ANO2: variants seen among roughly 807,000 people sequenced by gnomAD.
The protein encoded by ANO2 is anoctamin 2, also known as anoctamin-2.
Under a neutral mutation model 124.2 loss-of-function variants are expected in ANO2, and 101 were observed. That is an observed-to-expected ratio of 0.81 (90% confidence interval 0.69 to 0.96). The LOEUF (loss-of-function observed/expected upper bound fraction) is 0.96. Ranked by LOEUF, ANO2 falls within the 40% of genes least tolerant of loss-of-function variation. The pLI, the probability that ANO2 is intolerant of heterozygous loss-of-function variation, is 0.00. For missense variants in ANO2, 1,293 were observed against 1,274.5 expected (o/e 1.01, Z -0.22); for synonymous variants, 486 against 482.5 (o/e 1.01, Z -0.09).
At chr12:5,848,848 C>G (rs1424853354) in intron 4 of ANO2, among the ~76,000 whole-genome samples, 1 of 152,214 alleles carries the variant, frequency 6.6e-6, no homozygotes, top group African/African-American at 2.4e-5. Context: ...AGAAACAGCC[C>G]TAGTCTTGTA....
chr12:5,602,934 G>C (rs1944013620), intron 19 of ANO2, among the ~76,000 whole-genome samples: 1 of 152,210 alleles, frequency 6.6e-6, no homozygotes, highest in Non-Finnish European at 1.5e-5. Flanking sequence ...CCAAAGTATA[G>C]ACGAAAGTCA....
chr12:5,606,810 T>A (rs1457893847), intron 19 of ANO2, among the ~76,000 whole-genome samples: 2 of 152,114 alleles, frequency 1.3e-5, no homozygotes, highest in Non-Finnish European at 2.9e-5. Flanking sequence ...ACATACAGAA[T>A]CTAATGAGAA....
intron 1 of ANO2, among the ~76,000 whole-genome samples, chr12:5,923,712 G>A (rs1052301804): frequency 1.3e-5 from 2 of 152,218 alleles, no homozygotes; most frequent in Admixed American, 6.5e-5. Context: ...TGGAATGACT[G>A]CATGCTAGAA....
intron 4 of ANO2, among the ~76,000 whole-genome samples, chr12:5,850,426 A>AG (rs1317134184): frequency 6.6e-6 from 1 of 151,352 alleles, no homozygotes; most frequent in African/African-American, 2.4e-5. Context: ...AAAAAAAAAA[A>AG]AAAAAAAGAA....
chr12:5,913,088 G>GT (rs928954002), intron 3 of ANO2, among the ~76,000 whole-genome samples: 1 of 152,284 alleles, frequency 6.6e-6, no homozygotes, highest in Non-Finnish European at 1.5e-5. Flanking sequence ...AGCACCAGCA[G>GT]CCTGCCCTCT....
At chr12:5,805,865 C>A (rs1357349061) in intron 9 of ANO2, among the ~76,000 whole-genome samples, 187 bp downstream of exon 9, 1 of 152,154 alleles carries the variant, frequency 6.6e-6, no homozygotes, top group Non-Finnish European at 1.5e-5. Flanking sequence ...GCTCTCCAGG[C>A]ACTAAATACA....
intron 20 of ANO2, among the ~76,000 whole-genome samples, chr12:5,580,314 C>A (rs1035036548): frequency 1.3e-5 from 2 of 152,100 alleles, no homozygotes; most frequent in African/African-American, 4.8e-5. Flanking sequence ...TAAATGGTAT[C>A]TTTTATGTGT....
chr12:5,746,253 A>C (rs1170432169), intron 11 of ANO2, among the ~76,000 whole-genome samples: 2 of 152,198 alleles, frequency 1.3e-5, no homozygotes, highest in East Asian at 1.9e-4. Flanking sequence ...GTGCTGTGTA[A>C]ATTGCTGGTC....
intron 20 of ANO2, among the ~76,000 whole-genome samples, chr12:5,584,671 C>T (rs145827483): frequency 2.3e-3 from 346 of 152,276 alleles, no homozygotes; most frequent in Admixed American, 4.3e-3. Flanking sequence ...TTCCCAAGAG[C>T]AAGGGAAGCC....
intron 7 of ANO2, among the ~76,000 whole-genome samples, chr12:5,807,885 G>A (rs2137175287): frequency 6.6e-6 from 1 of 152,322 alleles, no homozygotes; most frequent in African/African-American, 2.4e-5. Context: ...TGTGGTCTGG[G>A]GAGCCCTGGG....
At chr12:5,827,702 T>C (rs1954009979) in intron 7 of ANO2, 67 bp downstream of exon 7, 3 of 1,538,860 alleles carry the variant, frequency 1.9e-6, no homozygotes, top group African/African-American at 2.7e-5. Flanking sequence ...AAGGGAGCTG[T>C]TGAAAGCACG....
rs527698890 is a variant in ANO2, at chr12:5,851,936, G to A, written c.633+2107C>T. 627 of 741,504 alleles carry A rather than the reference G, an allele frequency of 8.5e-4. 3 individuals are homozygous for A. Among genetic ancestry groups the A allele is most frequent in the Non-Finnish European group, 8.9e-5 (36 of 404,876 alleles). 45.9% of individuals were successfully genotyped at this position (741,504 alleles called of 1,614,324 possible). A position where few individuals can be genotyped will look rare whatever the true frequency, so the allele number is the denominator to read the frequency against. ...CCCTGGGGGATGGAAATCATAACAT[G>A]GGCATTAGAGTTTTGCTCACCTCCT... On this transcript the variant is annotated intron_variant, in intron 4 of 24. Transcript: ENST00000682330.
intron 10 of ANO2, among the ~76,000 whole-genome samples, chr12:5,768,236 G>A (rs1423498695): frequency 6.6e-6 from 1 of 152,058 alleles, no homozygotes; most frequent in Non-Finnish European, 1.5e-5. Flanking sequence ...TCACCCCAAG[G>A]GCAAGAATAA....
At chr12:5,569,681 G>C (rs1467084744) in intron 23 of ANO2, among the ~76,000 whole-genome samples, 3 of 152,134 alleles carry the variant, frequency 2.0e-5, no homozygotes, top group Non-Finnish European at 4.4e-5. Context: ...GAGCATAGAG[G>C]AGCTGTCTCA....
At chr12:5,660,532 T>A (rs144484986) in intron 14 of ANO2, among the ~76,000 whole-genome samples, 1 of 151,182 alleles carries the variant, frequency 6.6e-6, no homozygotes, top group African/African-American at 2.4e-5. Flanking sequence ...GATTCCAGCA[T>A]CACTCCCACA....
chr12:5,837,845 C>T (rs1954379522), intron 4 of ANO2, among the ~76,000 whole-genome samples: 1 of 151,622 alleles, frequency 6.6e-6, no homozygotes, highest in South Asian at 2.1e-4. Context: ...TAGCAGAAGG[C>T]AAGAAATAAC....
At chr12:5,819,742 A>G (rs7960873) in intron 7 of ANO2, among the ~76,000 whole-genome samples, 89,343 of 151,964 alleles carry the variant, frequency 0.59, 26,587 homozygotes, top group East Asian at 0.7. Context: ...GAAGGGCCCT[A>G]TAATCACTCT....
chr12:5,866,643 A>G (rs1262966730), intron 3 of ANO2, among the ~76,000 whole-genome samples: 1 of 152,224 alleles, frequency 6.6e-6, no homozygotes, highest in Non-Finnish European at 1.5e-5. Flanking sequence ...AAGTGGATGA[A>G]CACAGGTGCA....
At chr12:5,667,268 C>T (rs1277701895) in intron 14 of ANO2, among the ~76,000 whole-genome samples, 2 of 152,062 alleles carry the variant, frequency 1.3e-5, no homozygotes, top group Non-Finnish European at 2.9e-5. Flanking sequence ...TTTGCAATTG[C>T]TGTCAGAAGT....
Sources: allele counts gnomAD v4.1 joint callset (sites outside exome capture counted in the v4.1 genomes callset), GRCh38; gene constraint gnomAD v4.1.1; transcripts MANE v1.5; gene names NCBI Gene and HGNC (gene_info 2026-07-23, HGNC 2026-07-21).